Variants in ABLIM1 observed in about 807,000 individuals in gnomAD.
The protein encoded by ABLIM1 is actin binding LIM protein 1.
ABLIM1 carries 40 observed loss-of-function variants against 107.0 expected under a neutral mutation model. The ratio of observed to expected loss-of-function variants is 0.37; its 90% CI spans 0.29 to 0.49. The LOEUF (loss-of-function observed/expected upper bound fraction) is 0.49. Among genes scored for constraint, ABLIM1 ranks in the 20% least tolerant of loss-of-function variants. The pLI, the probability that ABLIM1 is intolerant of heterozygous loss-of-function variation, is 0.97. For synonymous variants in ABLIM1, 357 were observed against 357.3 expected (o/e 1.00, Z 0.01); for missense variants, 857 against 1,008.5 (o/e 0.85, Z 2.04).
At chr10:114,536,195 T>C (rs1169314581) in intron 6 of ABLIM1, among the ~76,000 whole-genome samples, 1 of 149,572 alleles carries the variant, frequency 6.7e-6, no homozygotes, top group Non-Finnish European at 1.5e-5. Context: ...ACAATTATGG[T>C]CTTTTGTGAC....
chr10:114,634,010 A>G (rs2078331643), intron 1 of ABLIM1, among the ~76,000 whole-genome samples: 4 of 140,240 alleles, frequency 2.9e-5, no homozygotes, highest in South Asian at 4.8e-4. Flanking sequence ...ACCAGCCCCC[A>G]TTCCTCCTCA....
intron 1 of ABLIM1, among the ~76,000 whole-genome samples, chr10:114,696,100 GC>G (rs1461273367): frequency 6.6e-6 from 1 of 152,126 alleles, no homozygotes; most frequent in East Asian, 1.9e-4. Context: ...TTCCTTGATA[GC>G]CCCAGTGTCT....
chr10:114,547,292 G>A (rs757612289), intron 5 of ABLIM1, among the ~76,000 whole-genome samples: 10 of 152,114 alleles, frequency 6.6e-5, no homozygotes, highest in Non-Finnish European at 1.2e-4. Flanking sequence ...TTTGGGGAGC[G>A]TCTATGAATG....
chr10:114,796,269 G>T, the ABLIM1 span, among the ~76,000 whole-genome samples: 1 of 152,174 alleles, frequency 6.6e-6, no homozygotes, highest in Non-Finnish European at 1.5e-5. Flanking sequence ...GTCCCACAGG[G>T]CTCAGGGATT....
rs759696974 is a variant in ABLIM1 at position 114,737,065 on chromosome 10, T to C, written c.-213+30996A>G. On this transcript the variant is annotated intron_variant, in intron 1 of 15. Transcript: ENST00000651092. ...TTAGCTGGGTGTAATAGCATGTGCC[T>C]GTAACCCCAGCTACTCAAAAGGCTG... is the stretch of plus-strand genomic sequence containing the variant. Among the ~76,000 whole-genome samples, 3 of 152,278 alleles carry C rather than the reference T, an allele frequency of 2.0e-5. 1 individual carries two copies. The Middle Eastern group carries it at 0.01, about 518-fold the overall frequency.
chr10:114,463,143 T>C (rs1438050839), intron 12 of ABLIM1: 1 of 1,310,394 alleles, frequency 7.6e-7, no homozygotes, highest in Non-Finnish European at 1.0e-6. Context: ...CGACAACCTC[T>C]GCACACCAGG....
At chr10:114,675,482 G>T (rs11196860) in intron 1 of ABLIM1, among the ~76,000 whole-genome samples, 47,447 of 152,078 alleles carry the variant, frequency 0.31, 8,587 homozygotes, top group South Asian at 0.44. Flanking sequence ...CTCCTCCTTC[G>T]CCTTCTGCCG....
At chr10:114,720,795 A>G (rs2081826166) in intron 1 of ABLIM1, among the ~76,000 whole-genome samples, 1 of 152,114 alleles carries the variant, frequency 6.6e-6, no homozygotes, top group Non-Finnish European at 1.5e-5. Flanking sequence ...TCTGCACAAC[A>G]TGAACCACCA....
intron 10 of ABLIM1, 160 bp from the exon 11 acceptor site, chr10:114,468,376 G>A: frequency 1.5e-5 from 9 of 619,546 alleles, no homozygotes. Context: ...CCAGGTTCAA[G>A]CGATTCTCCT....
intron 1 of ABLIM1, among the ~76,000 whole-genome samples, chr10:114,641,578 GC>G (rs1170444205): frequency 1.3e-5 from 2 of 152,224 alleles, no homozygotes; most frequent in African/African-American, 4.8e-5. Context: ...GACAGAGACT[GC>G]TAGGGGGAGA....
At chr10:114,743,716 G>A (rs1202789269) in intron 1 of ABLIM1, among the ~76,000 whole-genome samples, 1 of 152,214 alleles carries the variant, frequency 6.6e-6, no homozygotes, top group Non-Finnish European at 1.5e-5. Flanking sequence ...CAGCCTGGCT[G>A]AGCGAGACTG....
At chr10:114,565,749 T>G (rs1014574814) in intron 4 of ABLIM1, among the ~76,000 whole-genome samples, 1 of 150,072 alleles carries the variant, frequency 6.7e-6, no homozygotes, top group Non-Finnish European at 1.5e-5. Flanking sequence ...CTGCCTCCCC[T>G]TTGGAAACAT....
intron 1 of ABLIM1, among the ~76,000 whole-genome samples, chr10:114,681,488 C>T (rs1333617537): frequency 6.6e-6 from 1 of 152,342 alleles, no homozygotes; most frequent in East Asian, 1.9e-4. Flanking sequence ...AGCCATCACG[C>T]CTGGCCTAAA....
intron 4 of ABLIM1, among the ~76,000 whole-genome samples, chr10:114,552,106 G>T (rs1258447382): frequency 6.6e-6 from 1 of 152,128 alleles, no homozygotes; most frequent in Non-Finnish European, 1.5e-5. Context: ...CTGACCCGAA[G>T]TATTCTGGTA....
chr10:114,756,424 T>C (rs2082631792), intron 1 of ABLIM1, among the ~76,000 whole-genome samples: 1 of 152,172 alleles, frequency 6.6e-6, no homozygotes, highest in South Asian at 2.1e-4. Context: ...ATAGTATCAT[T>C]TTGCCATGTC....
intron 20 of ABLIM1, 98 bp from the exon 21 acceptor site, chr10:114,439,348 C>A: frequency 8.5e-7 from 1 of 1,173,542 alleles, no homozygotes; most frequent in African/African-American, 1.5e-5. Flanking sequence ...GTCTCCAATC[C>A]TAACCACTAT....
At chr10:114,770,909 C>T (rs2083016297), upstream of ABLIM1, among the ~76,000 whole-genome samples, 1 of 152,200 alleles carries the variant, frequency 6.6e-6, no homozygotes, top group East Asian at 1.9e-4. Context: ...TGGCTTACTG[C>T]AACCTCCACC....
At chr10:114,739,480 G>A (rs1263788937) in intron 1 of ABLIM1, among the ~76,000 whole-genome samples, 5 of 152,112 alleles carry the variant, frequency 3.3e-5, no homozygotes, top group Non-Finnish European at 7.4e-5. Flanking sequence ...AATGAAAAAA[G>A]AACAATGTAG....
intron 17 of ABLIM1, 83 bp downstream of exon 17, chr10:114,443,946 C>T: frequency 8.8e-7 from 1 of 1,134,560 alleles, no homozygotes; most frequent in Non-Finnish European, 1.3e-6. Flanking sequence ...GTAGGTTCCA[C>T]CACAAGTGAA....
Sources: gnomAD v4.1 joint callset for allele counts (sites outside exome capture counted in the v4.1 genomes callset) on GRCh38, gnomAD v4.1.1 for gene constraint, MANE v1.5 for transcripts, NCBI Gene and HGNC (gene_info 2026-07-23, HGNC 2026-07-21) for gene names.